KIF13B: variants seen among roughly 807,000 people sequenced by gnomAD.
KIF13B encodes the protein kinesin-like protein KIF13B.
In KIF13B, 127 loss-of-function variants were observed where a neutral mutation model predicts 222.0. That is an observed-to-expected ratio of 0.57 (90% CI 0.50 to 0.66). The LOEUF is 0.66. Among genes scored for constraint, KIF13B ranks in the 30% least tolerant of loss-of-function variants. The pLI, the probability that KIF13B is intolerant of heterozygous loss-of-function variation, is 0.00. For missense variants in KIF13B, 2,173 were observed against 2,379.0 expected (o/e 0.91, Z 1.80); for synonymous variants, 976 against 919.0 (o/e 1.06, Z -1.12).
intron 2 of KIF13B, among the ~76,000 whole-genome samples, chr8:29,237,190 A>G (rs1490456929): frequency 6.6e-6 from 1 of 152,132 alleles, no homozygotes; most frequent in Non-Finnish European, 1.5e-5. Flanking sequence ...ATTCTTATAC[A>G]GCATCTGATT....
Position 29,180,110 on chromosome 8 carries a change from C to T in KIF13B, c.714G>A (p.Lys238=), listed in dbSNP as rs371861202. Residue 238 remains lysine, a synonymous_variant, in exon 8 of 40, where the codon AAG becomes AAA. Coordinates refer to ENST00000524189, the MANE Select transcript of KIF13B (RefSeq NM_015254.4). ...ITLTHTLYDV[K]SGTSGEKVGK... is the part of the protein sequence containing the mutation. ...CATGCATCTGAACACCTACCCCAGACTTCACATCGTAGAGAGTATGTGTGA... is the reference window on the plus strand; with the variant it reads ...CATGCATCTGAACACCTACCCCAGATTTCACATCGTAGAGAGTATGTGTGA... 4.7e-4 allele frequency: 754 copies of T among 1,613,954 alleles called. 8 individuals are homozygous for T. In the South Asian group the frequency reaches 7.9e-3, roughly 17 times the overall value.
intron 37 of KIF13B, among the ~76,000 whole-genome samples, chr8:29,087,019 G>A (rs1023825122): frequency 7.9e-5 from 12 of 152,232 alleles, no homozygotes; most frequent in South Asian, 2.1e-4. Flanking sequence ...ACGCAGAGCC[G>A]TAGCCACGCC....
At chr8:29,172,019 A>T (rs1812265077) in intron 10 of KIF13B, among the ~76,000 whole-genome samples, 1 of 150,800 alleles carries the variant, frequency 6.6e-6, no homozygotes, top group Non-Finnish European at 1.5e-5. Flanking sequence ...CGGCCCCCCA[A>T]AGTGCTAGGA....
chr8:29,221,651 T>C (rs1814757904), intron 2 of KIF13B, among the ~76,000 whole-genome samples: 1 of 152,094 alleles, frequency 6.6e-6, no homozygotes, highest in Non-Finnish European at 1.5e-5. Context: ...ATGTATCACC[T>C]AGAGTAATTG....
At chr8:29,128,115 A>T (rs1437956587) in intron 24 of KIF13B, among the ~76,000 whole-genome samples, 1 of 149,310 alleles carries the variant, frequency 6.7e-6, no homozygotes, top group Non-Finnish European at 1.5e-5. Flanking sequence ...TAATTTACTG[A>T]TATAGCAGTA....
At chr8:29,253,935 G>A (rs1038214299) in intron 1 of KIF13B, among the ~76,000 whole-genome samples, 8 of 150,842 alleles carry the variant, frequency 5.3e-5, no homozygotes, top group Admixed American at 1.3e-4. Flanking sequence ...TCCCAGTTTC[G>A]AAACTTAATA....
intron 35 of KIF13B, 105 bp from the exon 36 acceptor site, chr8:29,099,346 T>G (rs1808686421): frequency 2.7e-6 from 2 of 731,286 alleles, no homozygotes; most frequent in Non-Finnish European, 4.7e-6. Context: ...TTACTAAAGC[T>G]CCTTTGAATA....
chr8:29,105,650 G>GTTTTT (rs869030059), intron 35 of KIF13B, among the ~76,000 whole-genome samples: 891 of 78,072 alleles, frequency 0.011, 249 homozygotes, highest in African/African-American at 0.026. Context: ...AGTTTGTTTG[G>GTTTTT]TTTTTTTTTT....
At chr8:29,185,733 T>C (rs1812895576) in intron 6 of KIF13B, among the ~76,000 whole-genome samples, 1 of 152,256 alleles carries the variant, frequency 6.6e-6, no homozygotes, top group South Asian at 2.1e-4. Context: ...TTGACCTTCC[T>C]AATGCTGTTT....
chr8:29,169,944 G>C (rs1812166150), intron 10 of KIF13B, among the ~76,000 whole-genome samples: 1 of 152,204 alleles, frequency 6.6e-6, no homozygotes, highest in South Asian at 2.1e-4. Flanking sequence ...AACTACCAAA[G>C]GAGAAAAGCA....
Position 29,080,327 on chromosome 8 carries a change from CAAAAAAAAA to C in KIF13B, c.4459-4993_4459-4985del, listed in dbSNP as rs5890439. Among the ~76,000 whole-genome samples, 49 of 67,158 alleles carry C rather than the reference CAAAAAAAAA, an allele frequency of 7.3e-4. 1 individual carries two copies. Among genetic ancestry groups the C allele is most frequent in the Admixed American group, 1.2e-3 (6 of 5,204 alleles). 44.1% of individuals were successfully genotyped at this position (67,158 alleles called of 152,430 possible). On this transcript the variant is annotated intron_variant, in intron 37 of 39. Transcript: ENST00000524189. ...TGGGTGACAGAGTGAGACCCAGTCT[CAAAAAAAAA>C]AAAAAAAAAAAAACCAACCCAAACA...
intron 37 of KIF13B, among the ~76,000 whole-genome samples, chr8:29,082,579 C>CAGGA (rs2133508309): frequency 6.6e-6 from 1 of 152,050 alleles, no homozygotes; most frequent in East Asian, 1.9e-4. Flanking sequence ...TTCGAAGCTG[C>CAGGA]AGTGAGCTAT....
chr8:29,147,679 T>C (rs986267594), intron 16 of KIF13B, 77 bp from the exon 17 acceptor site: 2 of 1,110,186 alleles, frequency 1.8e-6, no homozygotes, highest in East Asian at 2.4e-5. Flanking sequence ...TATATGGTAA[T>C]GTTGTCTGTC....
Position 29,150,344 on chromosome 8 carries a change from CTGTATTG to C in KIF13B, c.1568_1574del (p.Pro523ArgfsTer38). On this transcript the variant is annotated frameshift_variant, in exon 15 of 40. Coordinates refer to ENST00000524189, the MANE Select transcript of KIF13B (RefSeq NM_015254.4). LOFTEE classifies it high-confidence loss of function. ...ATAATATCCTGTCCCCATGGTGTAG[CTGTATTG>C]GACTGGAGACAGATGACCCATTTAC... 6.3e-7 allele frequency: 1 copy of C among 1,594,688 alleles called. No individual in the cohort carries two copies. The highest frequency in any genetic ancestry group is 8.6e-7 in the Non-Finnish European group (1 of 1,164,998).
chr8:29,099,484 C>T (rs1490979425), intron 35 of KIF13B, among the ~76,000 whole-genome samples: 1 of 152,130 alleles, frequency 6.6e-6, no homozygotes, highest in Non-Finnish European at 1.5e-5. Context: ...AAGCAATTCT[C>T]CCGCCTCAGC....
chr8:29,137,689 G>C (rs1810629057), intron 21 of KIF13B, among the ~76,000 whole-genome samples: 1 of 152,088 alleles, frequency 6.6e-6, no homozygotes, highest in South Asian at 2.1e-4. Flanking sequence ...TACATAAAAG[G>C]CCATTACATG....
chr8:29,199,081 A>ATTTTTTTTTTTTTTTTTTTTTTTTTTTT (rs1435870446), intron 2 of KIF13B, among the ~76,000 whole-genome samples: 3 of 151,488 alleles, frequency 2.0e-5, no homozygotes, highest in African/African-American at 7.3e-5. Flanking sequence ...AAAAAAATAA[A>ATTTTTTTTTTTTTTTTTTTTTTTTTTTT]ATTTTTTAAA....
intron 2 of KIF13B, among the ~76,000 whole-genome samples, chr8:29,204,713 T>A (rs1246913817): frequency 6.6e-6 from 1 of 152,010 alleles, no homozygotes; most frequent in African/African-American, 2.4e-5. Context: ...ATACAGAGAT[T>A]AGAATACATT....
chr8:29,124,312 T>C (rs988767297), intron 26 of KIF13B, among the ~76,000 whole-genome samples, 189 bp from the exon 27 acceptor site: 1 of 152,230 alleles, frequency 6.6e-6, no homozygotes, highest in African/African-American at 2.4e-5. Context: ...TAAAGCATTA[T>C]TTTCTAGAAC....
Sources: allele counts gnomAD v4.1 joint callset (sites outside exome capture counted in the v4.1 genomes callset), GRCh38; gene constraint gnomAD v4.1.1; transcripts MANE v1.5; gene names NCBI Gene and HGNC (gene_info 2026-07-23, HGNC 2026-07-21).